The following TENM1 variants were observed in gnomAD, a reference collection of about 807,000 sequenced individuals.
TENM1 encodes the protein teneurin-1.
A neutral mutation model predicts 174.8 loss-of-function variants in TENM1; 35 were observed. That is an observed-to-expected ratio of 0.20 (90% CI 0.15 to 0.27). The LOEUF (loss-of-function observed/expected upper bound fraction) is 0.27, where lower values mean the gene tolerates loss of function less well. TENM1 is among the 10% of genes least tolerant of loss of function. The pLI is 1.00. For missense variants in TENM1, 1,633 were observed against 2,130.1 expected (o/e 0.77, Z 4.59); for synonymous variants, 781 against 798.7 (o/e 0.98, Z 0.37).
At chrX:124,924,069 G>A (rs1452764356) in intron 1 of TENM1, among the ~76,000 whole-genome samples, 1 of 112,465 alleles carries the variant, frequency 8.9e-6, no homozygotes, top group Admixed American at 9.4e-5. Context: ...ACTGTGGACA[G>A]TGGATGGATA....
intron 10 of TENM1, among the ~76,000 whole-genome samples, chrX:124,644,385 A>G (rs915023260): frequency 9.2e-6 from 1 of 109,039 alleles, no homozygotes; most frequent in African/African-American, 3.3e-5. Flanking sequence ...GTGCATTTCC[A>G]GCAGCCTCTT....
intron 1 of TENM1, among the ~76,000 whole-genome samples, chrX:124,910,271 T>C (rs923938319): frequency 4.4e-5 from 5 of 112,375 alleles, no homozygotes; most frequent in Non-Finnish European, 9.4e-5. Flanking sequence ...TGGAAACTTA[T>C]ATTATCCAAA....
intron 11 of TENM1, among the ~76,000 whole-genome samples, chrX:124,608,935 T>C (rs1440328521): frequency 9.0e-6 from 1 of 111,156 alleles, no homozygotes; most frequent in Non-Finnish European, 1.9e-5. Flanking sequence ...AATGGTATTT[T>C]TGCAGCGCAA....
At chrX:124,568,100 G>A (rs1171992980) in intron 11 of TENM1, among the ~76,000 whole-genome samples, 1 of 111,873 alleles carries the variant, frequency 8.9e-6, no homozygotes, top group Non-Finnish European at 1.9e-5. Flanking sequence ...TGGATATAAT[G>A]TAACAATTTT....
intron 18 of TENM1, among the ~76,000 whole-genome samples, chrX:124,518,482 C>T (rs1278276888): frequency 9.0e-6 from 1 of 110,660 alleles, no homozygotes. Context: ...ATACTCACAA[C>T]ACCCTTCTTA....
chrX:124,556,919 C>T (rs1390029975), intron 14 of TENM1, among the ~76,000 whole-genome samples: 1 of 111,775 alleles, frequency 8.9e-6, no homozygotes, highest in African/African-American at 3.2e-5. Flanking sequence ...TATTTAATAT[C>T]TACCTGCCTT....
intron 3 of TENM1, among the ~76,000 whole-genome samples, chrX:124,817,418 T>C (rs1418827266): frequency 8.9e-6 from 1 of 112,108 alleles, no homozygotes; most frequent in Non-Finnish European, 1.9e-5. Flanking sequence ...TACTTGTGCA[T>C]CATATTTCAT....
intron 11 of TENM1, among the ~76,000 whole-genome samples, chrX:124,616,854 A>G (rs2050409122): frequency 8.9e-6 from 1 of 111,974 alleles, no homozygotes; most frequent in Admixed American, 9.5e-5. Context: ...ACAGCAATTC[A>G]AAGAAGAAAA....
intron 1 of TENM1, among the ~76,000 whole-genome samples, chrX:124,952,338 GT>G (rs1379922321): frequency 4.2e-4 from 20 of 47,980 alleles, no homozygotes; most frequent in African/African-American, 2.9e-3. Context: ...TGTATGGGGT[GT>G]GTGTGTGTGT....
chrX:125,171,011 C>G, the TENM1 span, among the ~76,000 whole-genome samples: 1 of 110,817 alleles, frequency 9.0e-6, no homozygotes, highest in Non-Finnish European at 1.9e-5. Context: ...TCTGTGATTC[C>G]AAATCACTTC....
At chrX:124,436,576 C>T (rs2060840290) in intron 23 of TENM1, among the ~76,000 whole-genome samples, 1 of 109,562 alleles carries the variant, frequency 9.1e-6, no homozygotes, top group African/African-American at 3.3e-5. Context: ...TCACTGCAAG[C>T]TCCGCTTCCC....
chrX:124,495,692 A>G (rs2047183525), intron 20 of TENM1, among the ~76,000 whole-genome samples: 1 of 106,890 alleles, frequency 9.4e-6, no homozygotes, highest in Non-Finnish European at 1.9e-5. Context: ...AAGGAGAACT[A>G]CAAACCACTG....
At chrX:125,135,013 A>T in the TENM1 span, among the ~76,000 whole-genome samples, 1 of 111,325 alleles carries the variant, frequency 9.0e-6, no homozygotes, top group South Asian at 3.8e-4. Context: ...AAAACCACCC[A>T]GAGACCTGCC....
rs1197421301 is a variant in TENM1, at chrX:124,420,966, T to C, written c.4472-145A>G. On this transcript the variant is annotated intron_variant, in intron 24 of 31. Coordinates refer to ENST00000422452, the Ensembl canonical transcript of TENM1. ...TTCTCTGTATTCCCTCCCTGAAAAATATGAAGCCTATTATTCAAAAGATTG... is the reference window on the plus strand; with the variant it reads ...TTCTCTGTATTCCCTCCCTGAAAAACATGAAGCCTATTATTCAAAAGATTG... 10 of 525,816 alleles carry C rather than the reference T, an allele frequency of 1.9e-5. No homozygotes were observed. The Admixed American group carries it at 3.1e-4, about 17-fold the overall frequency. The allele number at this position is 525,816 out of a possible 1,213,427, so 43.3% of individuals were successfully genotyped here.
chrX:124,877,541 C>G (rs1394837457), intron 3 of TENM1, among the ~76,000 whole-genome samples: 1 of 111,789 alleles, frequency 8.9e-6, no homozygotes, highest in Non-Finnish European at 1.9e-5. Flanking sequence ...TGGAGGTAGT[C>G]ATGGACTACT....
chrX:124,922,380 C>G (rs2058036040), intron 1 of TENM1, among the ~76,000 whole-genome samples: 1 of 111,560 alleles, frequency 9.0e-6, no homozygotes, highest in African/African-American at 3.2e-5. Flanking sequence ...CAGTGTAGAA[C>G]AAAGTATGCC....
the TENM1 span, among the ~76,000 whole-genome samples, chrX:125,006,556 C>T: frequency 8.9e-6 from 1 of 112,106 alleles, no homozygotes; most frequent in African/African-American, 3.2e-5. Flanking sequence ...TCCCTGGCCC[C>T]ATGCCTCCTG....
At chrX:124,883,915 T>C (rs2057342283) in intron 3 of TENM1, among the ~76,000 whole-genome samples, 1 of 110,810 alleles carries the variant, frequency 9.0e-6, no homozygotes, top group South Asian at 3.9e-4. Flanking sequence ...GCCAGGCAGA[T>C]CTGTATTAAG....
At chrX:125,120,756 G>A in the TENM1 span, among the ~76,000 whole-genome samples, 2 of 111,284 alleles carry the variant, frequency 1.8e-5, no homozygotes, top group African/African-American at 6.5e-5. Context: ...CATGATGAAC[G>A]TGGCCTTATA....
Sources: allele counts gnomAD v4.1 joint callset (sites outside exome capture counted in the v4.1 genomes callset), GRCh38; gene constraint gnomAD v4.1.1; transcripts MANE v1.5; gene names NCBI Gene and HGNC (gene_info 2026-07-23, HGNC 2026-07-21).